Variants in SGCD observed in about 807,000 individuals in gnomAD.
The protein encoded by SGCD is sarcoglycan delta, also known as delta-sarcoglycan.
SGCD carries 18 observed loss-of-function variants against 36.6 expected under a neutral mutation model. The ratio of observed to expected loss-of-function variants is 0.49; its 90% CI spans 0.34 to 0.73. The LOEUF (loss-of-function observed/expected upper bound fraction) is 0.73, where lower values mean the gene tolerates loss of function less well. Among genes scored for constraint, SGCD ranks in the 30% least tolerant of loss-of-function variants. The probability of loss-of-function intolerance (pLI) is 0.01; values close to 1 mark genes in which losing one functional copy is unlikely to be tolerated. For synonymous variants in SGCD, 133 were observed against 130.6 expected (o/e 1.02, Z -0.12); for missense variants, 387 against 346.7 (o/e 1.12, Z -0.92).
intron 3 of SGCD, among the ~76,000 whole-genome samples, chr5:156,497,168 GCACT>G (rs1309194900): frequency 1.6e-4 from 17 of 108,782 alleles, no homozygotes; most frequent in African/African-American, 6.4e-4. Flanking sequence ...TCACTCTCCT[GCACT>G]CTCTCTCTCT....
At chr5:156,038,072 G>T (rs939272786) in intron 1 of SGCD, among the ~76,000 whole-genome samples, 2 of 152,068 alleles carry the variant, frequency 1.3e-5, no homozygotes, top group African/African-American at 4.8e-5. Context: ...TTCTGGATCT[G>T]GTAGAGTGAA....
intron 3 of SGCD, among the ~76,000 whole-genome samples, chr5:156,166,631 T>G (rs79133656): frequency 0.013 from 1,971 of 152,268 alleles, 18 homozygotes; most frequent in Non-Finnish European, 0.021. Context: ...TCCATAACCA[T>G]TTTTGAGCAG....
At chr5:156,196,649 C>A (rs571575975) in intron 3 of SGCD, among the ~76,000 whole-genome samples, 2 of 152,296 alleles carry the variant, frequency 1.3e-5, no homozygotes, top group South Asian at 4.1e-4. Context: ...TGTCTTTCAA[C>A]ACTAGTGGAT....
At chr5:156,186,643 C>T (rs1763769062) in intron 3 of SGCD, among the ~76,000 whole-genome samples, 1 of 152,154 alleles carries the variant, frequency 6.6e-6, no homozygotes, top group Non-Finnish European at 1.5e-5. Context: ...ATGAGTTTTT[C>T]CTGGAGTTAT....
At chr5:156,015,315 A>G (rs1758945735) in intron 1 of SGCD, among the ~76,000 whole-genome samples, 1 of 152,050 alleles carries the variant, frequency 6.6e-6, no homozygotes. Context: ...TTTTGCTGCT[A>G]AATTTATTCC....
rs56304932 is a variant in SGCD, at chr5:156,558,125, T to TATATATATATATATATATA, written c.295-31104_295-31103insATATATATATATATATAAT. Among the ~76,000 whole-genome samples the TATATATATATATATATATA allele has an allele frequency of 8.5e-3, 909 of 107,476 alleles. 65 individuals are homozygous for TATATATATATATATATATA. Among genetic ancestry groups the TATATATATATATATATATA allele is most frequent in the Non-Finnish European group, 0.012 (643 of 53,342 alleles). 70.5% of individuals were successfully genotyped at this position (107,476 alleles called of 152,430 possible). ...TATATATATATATATATATATATAT[T>TATATATATATATATATATA]ATTTAACTCTCTTTTAAAGGCAGTT... is the stretch of plus-strand genomic sequence containing the variant. On this transcript the variant is annotated intron_variant, in intron 4 of 8. Coordinates refer to ENST00000337851, the MANE Select transcript of SGCD (RefSeq NM_000337.6).
At chr5:156,625,998 C>A (rs895060614) in intron 6 of SGCD, among the ~76,000 whole-genome samples, 1 of 149,806 alleles carries the variant, frequency 6.7e-6, no homozygotes, top group African/African-American at 2.5e-5. Flanking sequence ...TAGAGCAATA[C>A]TTGTCAGTGT....
chr5:155,891,614 G>T (rs1426989423), intron 1 of SGCD, among the ~76,000 whole-genome samples: 1 of 103,234 alleles, frequency 9.7e-6, no homozygotes, highest in Admixed American at 1.5e-4. Flanking sequence ...ATTTGTCTTA[G>T]AAAATAGAAA....
At chr5:156,325,164 T>G (rs1767774197), upstream of SGCD, among the ~76,000 whole-genome samples, 1 of 152,046 alleles carries the variant, frequency 6.6e-6, no homozygotes, top group East Asian at 1.9e-4. Flanking sequence ...AGGGAATAAA[T>G]GGAAAGTAGC....
chr5:156,053,451 G>A lies in SGCD; in HGVS notation c.-281-64427G>A, dbSNP rs1176119010. Among the ~76,000 whole-genome samples the A allele has an allele frequency of 2.1e-5, 3 of 146,222 alleles. No homozygotes were observed. The East Asian group carries it at 5.8e-4, about 28-fold the overall frequency. On this transcript the variant is annotated intron_variant, in intron 1 of 9. Coordinates refer to the SGCD transcript ENST00000517913. The stretch of plus-strand genomic sequence containing the variant: ...GGGTGAGAGGCAGGACTACATGTGA[G>A]CCAAACTCCAAGCACTCAGTATGCT...
intron 1 of SGCD, among the ~76,000 whole-genome samples, chr5:156,073,848 T>G (rs894010500): frequency 1.3e-5 from 2 of 152,110 alleles, no homozygotes; most frequent in Non-Finnish European, 2.9e-5. Flanking sequence ...ATATGTTCAG[T>G]TGAAAGAGTT....
chr5:156,136,213 AGTGATTCTCTC>A lies in SGCD; in HGVS notation c.-44+12196_-44+12206del, dbSNP rs563503470. Among the ~76,000 whole-genome samples the A allele has an allele frequency of 9.2e-5, 14 of 152,284 alleles. No homozygotes were observed. In the South Asian group the frequency reaches 2.9e-3, roughly 32 times the overall value. Reference sequence around the variant, plus strand: ...CTTCAGCCTCTGCCTCTTGGGCTCAAGTGATTCTCTCGCCTCAGCTTCCTGAGTACCTGGGA... The same window carrying A: ...CTTCAGCCTCTGCCTCTTGGGCTCAAGCCTCAGCTTCCTGAGTACCTGGGA... On this transcript the variant is annotated intron_variant, in intron 3 of 9. Coordinates refer to the SGCD transcript ENST00000517913.
At chr5:156,070,545 G>C (rs750071904) in intron 1 of SGCD, among the ~76,000 whole-genome samples, 15 of 150,898 alleles carry the variant, frequency 9.9e-5, no homozygotes, top group East Asian at 1.9e-4. Context: ...GTATTTTATT[G>C]AGGATTTTTG....
Position 156,759,327 on chromosome 5 carries a change from A to T in SGCD, c.810A>T (p.Arg270Ser). Residue 270 changes from arginine to serine, a missense_variant, in exon 9 of 9, where the codon AGA (arginine) becomes AGT (serine). Physicochemically the swap from Arg to Ser is moderately radical, Grantham distance 110 (BLOSUM62 -1). Coordinates refer to ENST00000337851, the MANE Select transcript of SGCD (RefSeq NM_000337.6). ...AGATCTGCGTCTGCGCCAATGGGAG[A>T]TTATTCCTGTCTCAGGCAGGAGCTG... ...VFEICVCANG[R>S]LFLSQAGAGS... 1 of 1,613,334 alleles carries T rather than the reference A, an allele frequency of 6.2e-7. No individual in the cohort carries two copies. The highest frequency in any genetic ancestry group is 8.5e-7 in the Non-Finnish European group (1 of 1,179,422).
At chr5:156,709,750 A>G (rs925149117) in intron 7 of SGCD, among the ~76,000 whole-genome samples, 1 of 152,132 alleles carries the variant, frequency 6.6e-6, no homozygotes, top group African/African-American at 2.4e-5. Flanking sequence ...AAAAGAGCAG[A>G]AATTCATTCT....
intron 7 of SGCD, among the ~76,000 whole-genome samples, chr5:156,675,864 C>T (rs1442917407): frequency 1.3e-5 from 2 of 152,130 alleles, no homozygotes; most frequent in East Asian, 3.8e-4. Context: ...TACTTTACTT[C>T]CTGACTCCTT....
At chr5:156,068,479 T>A (rs1310239010) in intron 1 of SGCD, among the ~76,000 whole-genome samples, 2 of 152,160 alleles carry the variant, frequency 1.3e-5, no homozygotes, top group Non-Finnish European at 1.5e-5. Context: ...TGCATAGTAT[T>A]CCATGGTGTA....
chr5:156,240,752 T>G (rs1308811285), intron 3 of SGCD, among the ~76,000 whole-genome samples: 1 of 152,222 alleles, frequency 6.6e-6, no homozygotes, highest in Non-Finnish European at 1.5e-5. Flanking sequence ...GTTTTTTTAA[T>G]TTTCACTTTT....
chr5:156,207,017 T>G (rs1764299072), intron 3 of SGCD, among the ~76,000 whole-genome samples: 1 of 152,242 alleles, frequency 6.6e-6, no homozygotes, highest in East Asian at 1.9e-4. Context: ...TGTTCTTTTA[T>G]TGGTGAATAT....
Sources: allele counts gnomAD v4.1 joint callset (sites outside exome capture counted in the v4.1 genomes callset), GRCh38; gene constraint gnomAD v4.1.1; transcripts MANE v1.5; gene names NCBI Gene and HGNC (gene_info 2026-07-23, HGNC 2026-07-21).